Variants in RORA observed in about 807,000 individuals in gnomAD.
The protein encoded by RORA is nuclear receptor ROR-alpha.
A neutral mutation model predicts 69.5 loss-of-function variants in RORA; 7 were observed. The observed-to-expected ratio is 0.10, with a 90% CI of 0.06 to 0.19. RORA has a LOEUF of 0.19. Ranked by LOEUF, RORA falls within the 10% of genes least tolerant of loss-of-function variation. The probability of loss-of-function intolerance (pLI) is 1.00; values close to 1 mark genes in which losing one functional copy is unlikely to be tolerated. For missense variants in RORA, 457 were observed against 663.0 expected (o/e 0.69, Z 3.41); for synonymous variants, 261 against 240.8 (o/e 1.08, Z -0.78).
At chr15:60,887,840 T>G (rs1191860918) in intron 1 of RORA, among the ~76,000 whole-genome samples, 2 of 152,160 alleles carry the variant, frequency 1.3e-5, no homozygotes, top group African/African-American at 4.8e-5. Flanking sequence ...GTTCCAGCAA[T>G]GGTATTTTGT....
At chr15:60,943,113 T>G (rs2140324953) in intron 1 of RORA, among the ~76,000 whole-genome samples, 1 of 152,336 alleles carries the variant, frequency 6.6e-6, no homozygotes, top group East Asian at 1.9e-4. Context: ...CTAAATCAAG[T>G]CCAAGTAGCT....
intron 1 of RORA, among the ~76,000 whole-genome samples, chr15:61,150,250 G>A (rs189393547): frequency 3.7e-4 from 57 of 152,228 alleles, no homozygotes; most frequent in Non-Finnish European, 6.9e-4. Context: ...AAAACCATAC[G>A]CGAAGCATTT....
At chr15:60,946,885 G>A (rs1009848603) in intron 1 of RORA, among the ~76,000 whole-genome samples, 9 of 150,628 alleles carry the variant, frequency 6.0e-5, no homozygotes, top group East Asian at 2.0e-4. Flanking sequence ...CCGCCGCCCC[G>A]TCTGGGATGT....
chr15:60,681,214 T>C (rs559504151), intron 1 of RORA, among the ~76,000 whole-genome samples: 1 of 152,336 alleles, frequency 6.6e-6, no homozygotes, highest in South Asian at 2.1e-4. Flanking sequence ...ATGGGGAAAC[T>C]GAGGCTCAGG....
chr15:61,195,433 C>T (rs1168707686), intron 1 of RORA, among the ~76,000 whole-genome samples: 2 of 151,800 alleles, frequency 1.3e-5, no homozygotes, highest in Non-Finnish European at 2.9e-5. Flanking sequence ...TTTCCTTAAC[C>T]TGGCATTCAC....
chr15:61,119,125 A>G (rs1394356058), intron 1 of RORA, among the ~76,000 whole-genome samples: 2 of 150,478 alleles, frequency 1.3e-5, no homozygotes, highest in East Asian at 2.0e-4. Flanking sequence ...GCCAAGGTGC[A>G]GGAACAAGCA....
intron 1 of RORA, among the ~76,000 whole-genome samples, chr15:61,123,449 A>G (rs1281060297): frequency 6.6e-6 from 1 of 152,204 alleles, no homozygotes; most frequent in African/African-American, 2.4e-5. Context: ...TGTCTAATCC[A>G]TATTAGGGGG....
intron 5 of RORA, among the ~76,000 whole-genome samples, chr15:60,506,985 T>C (rs1036550643): frequency 2.0e-5 from 3 of 150,856 alleles, no homozygotes; most frequent in Non-Finnish European, 4.4e-5. Flanking sequence ...AGACTCCCTC[T>C]TAAAAAAAAA....
chr15:60,615,643 G>T (rs1254357298), intron 2 of RORA, among the ~76,000 whole-genome samples: 11 of 152,358 alleles, frequency 7.2e-5, no homozygotes, highest in African/African-American at 1.9e-4. Flanking sequence ...GCTGCTCCCT[G>T]CCAGCCTAGC....
At chr15:61,095,788 C>T (rs1595980884) in intron 1 of RORA, among the ~76,000 whole-genome samples, 1 of 152,192 alleles carries the variant, frequency 6.6e-6, no homozygotes, top group Admixed American at 6.5e-5. Flanking sequence ...TCCATCACCT[C>T]CTGGCCTTTT....
chr15:60,666,375 C>T (rs1334346514), intron 2 of RORA, among the ~76,000 whole-genome samples: 1 of 145,468 alleles, frequency 6.9e-6, no homozygotes, highest in Admixed American at 6.9e-5. Context: ...TTGTAGATAC[C>T]TGGTCTCCCT....
chr15:60,599,026 G>C (rs975947024), intron 2 of RORA, among the ~76,000 whole-genome samples: 1 of 152,168 alleles, frequency 6.6e-6, no homozygotes, highest in Non-Finnish European at 1.5e-5. Flanking sequence ...GAAAATAAAC[G>C]CAATGCTTAT....
At chr15:61,077,243 T>G (rs2078465314) in intron 1 of RORA, among the ~76,000 whole-genome samples, 2 of 150,648 alleles carry the variant, frequency 1.3e-5, no homozygotes, top group East Asian at 2.0e-4. Flanking sequence ...AAGGAAAGGG[T>G]AGTGAGGGGA....
At chr15:60,911,319 A>G (rs1891709027) in intron 1 of RORA, among the ~76,000 whole-genome samples, 1 of 152,032 alleles carries the variant, frequency 6.6e-6, no homozygotes, top group Non-Finnish European at 1.5e-5. Context: ...GACTGATGGA[A>G]TGCCTGGACT....
chr15:61,151,846 G>C (rs961133072), intron 1 of RORA, among the ~76,000 whole-genome samples: 17 of 151,854 alleles, frequency 1.1e-4, no homozygotes, highest in South Asian at 6.2e-4. Context: ...AAAGCCAATG[G>C]AAAAAAAACC....
At chr15:60,509,381 A>G (rs1043226657) in intron 5 of RORA, among the ~76,000 whole-genome samples, 9 of 152,210 alleles carry the variant, frequency 5.9e-5, no homozygotes, top group African/African-American at 2.2e-4. Context: ...TTAAAAGCAC[A>G]TAGAGCAAGC....
intron 1 of RORA, among the ~76,000 whole-genome samples, chr15:60,866,177 C>G (rs1397640965): frequency 6.6e-6 from 1 of 152,176 alleles, no homozygotes; most frequent in East Asian, 1.9e-4. Context: ...TTTGTACCCA[C>G]TAACCATCTC....
chr15:60,604,887 A>G (rs1480662030), intron 2 of RORA, among the ~76,000 whole-genome samples: 1 of 152,098 alleles, frequency 6.6e-6, no homozygotes, highest in Non-Finnish European at 1.5e-5. Context: ...TAAACATGAA[A>G]CCCATTAGTA....
chr15:60,898,355 T>C (rs913712352), intron 1 of RORA, among the ~76,000 whole-genome samples: 5 of 152,094 alleles, frequency 3.3e-5, no homozygotes, highest in Admixed American at 6.5e-5. Context: ...CTGGTAAATC[T>C]TTCTGTATAA....
Sources: allele counts gnomAD v4.1 joint callset (sites outside exome capture counted in the v4.1 genomes callset), GRCh38; gene constraint gnomAD v4.1.1; transcripts MANE v1.5; gene names NCBI Gene and HGNC (gene_info 2026-07-23, HGNC 2026-07-21).